Variants in PIGL observed in about 807,000 individuals in gnomAD.
PIGL encodes phosphatidylinositol glycan anchor biosynthesis class L, also known as N-acetylglucosaminyl-phosphatidylinositol de-N-acetylase.
PIGL carries 22 observed loss-of-function variants against 31.1 expected under a neutral mutation model. The ratio of observed to expected loss-of-function variants is 0.71; its 90% CI spans 0.51 to 1.01. The LOEUF is 1.01. Among genes scored for constraint, PIGL ranks in the 50% least tolerant of loss-of-function variants. PIGL has a pLI of 0.00. For missense variants in PIGL, 302 were observed against 315.9 expected (o/e 0.96, Z 0.33); for synonymous variants, 131 against 117.4 (o/e 1.12, Z -0.75).
intron 2 of PIGL, among the ~76,000 whole-genome samples, chr17:16,245,793 T>TAC (rs202157751): frequency 0.027 from 3,769 of 137,980 alleles, 167 homozygotes; most frequent in African/African-American, 0.1. Flanking sequence ...TATATATATA[T>TAC]ACACACACAC....
intron 2 of PIGL, among the ~76,000 whole-genome samples, chr17:16,259,349 A>G (rs2092810016): frequency 9.6e-6 from 1 of 104,428 alleles, no homozygotes; most frequent in East Asian, 2.0e-4. Flanking sequence ...CAATGGTGCC[A>G]AGACAATTCA....
intron 2 of PIGL, among the ~76,000 whole-genome samples, chr17:16,263,444 T>A (rs943179631): frequency 6.6e-6 from 1 of 152,090 alleles, no homozygotes; most frequent in Non-Finnish European, 1.5e-5. Context: ...CCTCCCAAAT[T>A]ACAGTTGTGA....
intron 3 of PIGL, 101 bp downstream of exon 3, chr17:16,300,079 C>A: frequency 1.2e-6 from 1 of 843,880 alleles, no homozygotes; most frequent in Non-Finnish European, 2.0e-6. Context: ...CACTTCCAGT[C>A]CTTCTCCAGG....
Position 16,243,785 on chromosome 17 carries a change from A to G in PIGL, c.335+9715A>G, listed in dbSNP as rs1007829663. 3.3e-5 allele frequency among the ~76,000 whole-genome samples: 5 copies of G among 152,196 alleles called. No individual in the cohort carries two copies. In the East Asian group the frequency reaches 9.6e-4, roughly 29 times the overall value. On this transcript the variant is annotated intron_variant, in intron 2 of 6. Coordinates refer to ENST00000225609, the MANE Select transcript of PIGL (RefSeq NM_004278.4). ...TTCACATTAATATTGTAACCGCCCA[A>G]GGGGTTCACCTTGCCCACTGCCTAG...
At chr17:16,237,088 C>G (rs185698106) in intron 2 of PIGL, among the ~76,000 whole-genome samples, 38 of 149,076 alleles carry the variant, frequency 2.5e-4, no homozygotes, top group Non-Finnish European at 4.8e-4. Context: ...CAGGCACTCA[C>G]CACCACACCT....
chr17:16,315,389 T>C (rs1031644893), intron 4 of PIGL, among the ~76,000 whole-genome samples: 2 of 152,190 alleles, frequency 1.3e-5, no homozygotes, highest in Admixed American at 1.3e-4. Context: ...CAATGCTGCT[T>C]TGACTTATAT....
At chr17:16,317,710 C>T (rs776108556) in intron 5 of PIGL, 65 bp from the exon 6 acceptor site, 35 of 1,606,158 alleles carry the variant, frequency 2.2e-5, no homozygotes, top group Non-Finnish European at 3.0e-5. Context: ...AGGGAGGATG[C>T]TCAGGGGAAA....
rs369455950 is a variant in PIGL, at chr17:16,231,616, T to A, written c.236-2355T>A. ...TTTAAATTTTTTAAGTAAAATAAAA[T>A]GTTTACCCTTATAAATTATGATGTA... On this transcript the variant is annotated intron_variant, in intron 1 of 6. Coordinates refer to ENST00000225609, the MANE Select transcript of PIGL (RefSeq NM_004278.4). 2.1e-3 allele frequency among the ~76,000 whole-genome samples: 321 copies of A among 152,252 alleles called. 17 individuals carry two copies. In the South Asian group the frequency reaches 0.064, roughly 31 times the overall value.
Position 16,269,260 on chromosome 17 carries a change from A to G in PIGL, c.336-30628A>G, listed in dbSNP as rs748588042. 7.9e-4 allele frequency among the ~76,000 whole-genome samples: 120 copies of G among 152,354 alleles called. 1 individual carries two copies. Among genetic ancestry groups the G allele is most frequent in the Non-Finnish European group, 1.8e-4 (12 of 68,028 alleles). On this transcript the variant is annotated intron_variant, in intron 2 of 6. Transcript: ENST00000225609. ...TTTAGCTGACACATATGGCCTCTAT[A>G]GCCTAGGCTTTACATGGCCAGTCTC... is the stretch of plus-strand genomic sequence containing the variant.
chr17:16,238,892 A>G (rs1056480726), intron 2 of PIGL, among the ~76,000 whole-genome samples: 1 of 136,954 alleles, frequency 7.3e-6, no homozygotes, highest in Non-Finnish European at 1.6e-5. Flanking sequence ...CTGGTGCGAC[A>G]GAGTGAGACC....
At chr17:16,267,388 G>T (rs2092848911) in intron 2 of PIGL, among the ~76,000 whole-genome samples, 1 of 152,012 alleles carries the variant, frequency 6.6e-6, no homozygotes, top group African/African-American at 2.4e-5. Flanking sequence ...AAGAGGTGGA[G>T]GAAGTGGATG....
intron 1 of PIGL, among the ~76,000 whole-genome samples, chr17:16,223,545 T>A (rs1438110094): frequency 6.6e-6 from 1 of 151,668 alleles, no homozygotes; most frequent in Non-Finnish European, 1.5e-5. Flanking sequence ...CCACTGCACT[T>A]CAGCCTGAGC....
Position 16,275,144 on chromosome 17 carries a change from C to T in PIGL, c.336-24744C>T, listed in dbSNP as rs756736440. 6.4e-4 allele frequency among the ~76,000 whole-genome samples: 97 copies of T among 152,156 alleles called. 1 individual carries two copies. The highest frequency in any genetic ancestry group is 9.8e-4 in the Non-Finnish European group (67 of 68,028). The stretch of plus-strand genomic sequence containing the variant: ...CTTACAGTCATTTTCTGATTATACT[C>T]TAAACAAGGGCTGGCTTATTGAGTT... On this transcript the variant is annotated intron_variant, in intron 2 of 6. Coordinates refer to ENST00000225609, the MANE Select transcript of PIGL (RefSeq NM_004278.4).
At chr17:16,293,350 C>A (rs1409629355) in intron 2 of PIGL, among the ~76,000 whole-genome samples, 1 of 152,198 alleles carries the variant, frequency 6.6e-6, no homozygotes, top group Non-Finnish European at 1.5e-5. Flanking sequence ...CGGTGAAACC[C>A]CGTCTCTACT....
intron 2 of PIGL, among the ~76,000 whole-genome samples, chr17:16,294,493 G>A (rs1318126032): frequency 6.6e-6 from 1 of 152,122 alleles, no homozygotes; most frequent in Non-Finnish European, 1.5e-5. Flanking sequence ...CCAAGCACCT[G>A]GCAGGTTATT....
chr17:16,309,674 T>A (rs976041450), intron 3 of PIGL, among the ~76,000 whole-genome samples: 2 of 151,586 alleles, frequency 1.3e-5, no homozygotes, highest in African/African-American at 2.4e-5. Flanking sequence ...GGCAGGAGAA[T>A]TGCTTGAACC....
At chr17:16,269,575 C>T (rs377503172) in intron 2 of PIGL, among the ~76,000 whole-genome samples, 1 of 151,490 alleles carries the variant, frequency 6.6e-6, no homozygotes, top group Admixed American at 6.6e-5. Flanking sequence ...TGCTTAAATC[C>T]AGGAGGCTAG....
intron 2 of PIGL, among the ~76,000 whole-genome samples, chr17:16,235,890 T>G (rs1218184221): frequency 6.6e-6 from 1 of 151,924 alleles, no homozygotes; most frequent in African/African-American, 2.4e-5. Context: ...CTATAGTGAA[T>G]CTACAGTTGA....
intron 2 of PIGL, among the ~76,000 whole-genome samples, chr17:16,241,898 T>C (rs563474588): frequency 6.6e-6 from 1 of 152,306 alleles, no homozygotes; most frequent in East Asian, 1.9e-4. Flanking sequence ...AGATGTACCA[T>C]AACATTTAAC....
Sources: gnomAD v4.1 joint callset for allele counts (sites outside exome capture counted in the v4.1 genomes callset) on GRCh38, gnomAD v4.1.1 for gene constraint, MANE v1.5 for transcripts, NCBI Gene and HGNC (gene_info 2026-07-23, HGNC 2026-07-21) for gene names.